PAPSS2: variants seen among roughly 807,000 people sequenced by gnomAD.
PAPSS2 encodes the protein bifunctional 3'-phosphoadenosine 5'-phosphosulfate synthase 2.
PAPSS2 carries 61 observed loss-of-function variants against 66.5 expected under a neutral mutation model. The observed-to-expected ratio is 0.92, with a 90% CI of 0.75 to 1.14. The LOEUF is 1.14. Ranked by LOEUF, PAPSS2 falls within the 50% of genes most tolerant of loss-of-function variation. The pLI is 0.00. For synonymous variants in PAPSS2, 289 were observed against 287.5 expected (o/e 1.01, Z -0.05); for missense variants, 708 against 789.6 (o/e 0.90, Z 1.24).
intron 6 of PAPSS2, 141 bp from the exon 7 acceptor site, chr10:87,715,591 G>A (rs1853522509): frequency 2.8e-6 from 2 of 703,636 alleles, no homozygotes. Context: ...TCATGGGTTA[G>A]CATAACAGGT....
intron 1 of PAPSS2, among the ~76,000 whole-genome samples, chr10:87,678,618 C>A (rs1852978841): frequency 6.6e-6 from 1 of 151,674 alleles, no homozygotes; most frequent in Non-Finnish European, 1.5e-5. Flanking sequence ...AAAAAGTGGG[C>A]AAAGGACATG....
At chr10:87,660,348 A>C in intron 1 of PAPSS2, 3 of 472,276 alleles carry the variant, frequency 6.4e-6, no homozygotes, top group South Asian at 2.6e-5. Context: ...GCTCTTCCAG[A>C]CCCGCCTTTT....
rs756011788 is a variant in PAPSS2 at position 87,745,172 on chromosome 10, A to G, written c.1662A>G (p.Pro554=). ...GCCTCACCTCTGTGGAAATCATTCC[A>G]TTCCGAGTGGCTGCCTACAACAAAG... is the stretch of plus-strand genomic sequence containing the variant. ...APGLTSVEII[P]FRVAAYNKAK... The change falls in exon 12 of 13, where the codon CCA becomes CCG. Residue 554 remains proline (P), a synonymous_variant. Coordinates refer to ENST00000456849, the MANE Select transcript of PAPSS2 (RefSeq NM_001015880.2). 3 of 1,614,124 alleles carry G rather than the reference A, an allele frequency of 1.9e-6. No homozygotes were observed. Among genetic ancestry groups the G allele is most frequent in the Admixed American group, 3.3e-5 (2 of 60,032 alleles).
intron 9 of PAPSS2, among the ~76,000 whole-genome samples, chr10:87,733,074 A>C (rs1853749278): frequency 6.6e-6 from 1 of 152,244 alleles, no homozygotes; most frequent in East Asian, 1.9e-4. Flanking sequence ...GAAACCCACA[A>C]AAACACTTTA....
At chr10:87,706,108 A>ATATATATATATATATATGTGTGTGTGTG in intron 1 of PAPSS2, among the ~76,000 whole-genome samples, 83 of 51,942 alleles carry the variant, frequency 1.6e-3, no homozygotes, top group African/African-American at 4.7e-3. Flanking sequence ...ATATATATAT[A>ATATATATATATATATATGTGTGTGTGTG]TGTGTGTGTG....
In PAPSS2 at chr10:87,709,400, C is replaced by T. The variant is rs1397784898; in HGVS notation, c.145+87C>T. 10 of 816,892 alleles carry T rather than the reference C, an allele frequency of 1.2e-5. No individual in the cohort carries two copies. In the Admixed American group the frequency reaches 1.8e-4, roughly 15 times the overall value. The allele number at this position is 816,892 out of a possible 1,614,324, so 50.6% of individuals were successfully genotyped here. On this transcript the variant is annotated intron_variant, in intron 2 of 12. Transcript: ENST00000456849. ...TTATGGAAATTAGTGTAACGTATTA[C>T]ATGCTTGTTTTATCATTAGAAGGAG...
intron 1 of PAPSS2, among the ~76,000 whole-genome samples, chr10:87,662,574 C>T (rs535813793): frequency 2.5e-4 from 32 of 127,486 alleles, no homozygotes; most frequent in African/African-American, 8.7e-4. Context: ...ACCCCCTATA[C>T]ACACACATAG....
intron 1 of PAPSS2, among the ~76,000 whole-genome samples, chr10:87,701,315 CCTTCCTTCCTTCCTTTCTTTCTTTCTTT>C (rs1341350308): frequency 3.5e-4 from 28 of 79,052 alleles, no homozygotes; most frequent in African/African-American, 1.6e-3. Context: ...TTCCTTCCTT[CCTTCCTTCCTTCCTTTCTTTCTTTCTTT>C]CTTTCTTTCT....
At chr10:87,731,048 A>G (rs1589440698) in intron 9 of PAPSS2, among the ~76,000 whole-genome samples, 1 of 152,318 alleles carries the variant, frequency 6.6e-6, no homozygotes, top group South Asian at 2.1e-4. Context: ...AGAAGATGCC[A>G]CCTAGGATTT....
chr10:87,672,529 T>C (rs9633742), intron 1 of PAPSS2, among the ~76,000 whole-genome samples: 76,666 of 152,018 alleles, frequency 0.5, 19,524 homozygotes, highest in East Asian at 0.78. Context: ...TTCTTTCCTG[T>C]TAGTTCATCC....
chr10:87,741,306 T>C lies in PAPSS2; in HGVS notation c.1158T>C (p.Asp386=). Residue 386 remains aspartate, a synonymous_variant, in exon 10 of 13, where the codon GAT becomes GAC. Transcript: ENST00000456849. ...TGCTGGAGAAAATAAGATGGAATGA[T>C]GGGCTGGACCAATACCGTCTGACAC... ...LQVLEKIRWN[D]GLDQYRLTPL... 6.2e-7 allele frequency: 1 copy of C among 1,613,766 alleles called. No homozygotes were observed. The highest frequency in any genetic ancestry group is 1.1e-5 in the South Asian group (1 of 91,088).
At chr10:87,681,345 T>C (rs7903516) in intron 1 of PAPSS2, among the ~76,000 whole-genome samples, 87,201 of 151,952 alleles carry the variant, frequency 0.57, 25,537 homozygotes, top group East Asian at 0.78. Flanking sequence ...AAAAAGACTA[T>C]CAAACAGGAG....
At chr10:87,704,120 A>G in intron 1 of PAPSS2, 1 of 442,302 alleles carries the variant, frequency 2.3e-6, no homozygotes, top group Non-Finnish European at 4.5e-6. Context: ...CCTTTTGCAA[A>G]ACCTCAAGGG....
intron 1 of PAPSS2, among the ~76,000 whole-genome samples, chr10:87,698,776 C>T (rs1385831830): frequency 6.6e-6 from 1 of 152,138 alleles, no homozygotes; most frequent in Non-Finnish European, 1.5e-5. Flanking sequence ...GTCATAGCTA[C>T]TGGGGAAGCT....
intron 1 of PAPSS2, among the ~76,000 whole-genome samples, chr10:87,671,177 T>G (rs1852873410): frequency 1.3e-5 from 2 of 149,590 alleles, no homozygotes; most frequent in East Asian, 1.9e-4. Context: ...TCAATCATTC[T>G]TTTTTTTTTC....
chr10:87,711,154 C>T (rs1260236376), intron 2 of PAPSS2, among the ~76,000 whole-genome samples: 1 of 152,170 alleles, frequency 6.6e-6, no homozygotes, highest in African/African-American at 2.4e-5. Flanking sequence ...GCCCCAACTC[C>T]ACCTCCATGA....
chr10:87,690,986 A>G (rs1228150667), intron 1 of PAPSS2, among the ~76,000 whole-genome samples: 1 of 152,156 alleles, frequency 6.6e-6, no homozygotes, highest in East Asian at 1.9e-4. Context: ...TCAAGGGAAC[A>G]TACATCCAAC....
chr10:87,661,152 AC>A (rs1268942826), intron 1 of PAPSS2: 3 of 396,678 alleles, frequency 7.6e-6, no homozygotes, highest in East Asian at 1.4e-4. Flanking sequence ...AAAAAAAAAA[AC>A]AAAATATAAA....
At chr10:87,743,190 G>T (rs1442946321) in intron 10 of PAPSS2, among the ~76,000 whole-genome samples, 183 bp from the exon 11 acceptor site, 1 of 149,218 alleles carries the variant, frequency 6.7e-6, no homozygotes, top group Non-Finnish European at 1.5e-5. Context: ...AGGTTGCAGT[G>T]ACCTGAGATC....
Sources: allele counts gnomAD v4.1 joint callset (sites outside exome capture counted in the v4.1 genomes callset), GRCh38; gene constraint gnomAD v4.1.1; transcripts MANE v1.5; gene names NCBI Gene and HGNC (gene_info 2026-07-23, HGNC 2026-07-21).